PDPN: variants seen among roughly 807,000 people sequenced by gnomAD.
PDPN encodes the protein PA2.26 antigen.
A neutral mutation model predicts 23.2 loss-of-function variants in PDPN; 12 were observed. That is an observed-to-expected ratio of 0.52 (90% CI 0.33 to 0.84). The LOEUF (loss-of-function observed/expected upper bound fraction) is 0.84. Ranked by LOEUF, PDPN falls within the 40% of genes least tolerant of loss-of-function variation. The pLI is 0.02. For synonymous variants in PDPN, 77 were observed against 76.7 expected, an observed-to-expected ratio of 1.00 and a Z score of -0.02; for missense variants, 199 against 212.2, an observed-to-expected ratio of 0.94 and a Z score of 0.39.
At chr1:13,585,867 T>C (rs759386048) in intron 1 of PDPN, among the ~76,000 whole-genome samples, 17 of 152,224 alleles carry the variant, frequency 1.1e-4, no homozygotes, top group Non-Finnish European at 2.1e-4. Flanking sequence ...GGGCTTTTGT[T>C]GGGGAGCTGG....
intron 1 of PDPN, chr1:13,584,352 C>T: frequency 1.4e-6 from 2 of 1,450,694 alleles, no homozygotes; most frequent in East Asian, 5.0e-5. Context: ...GTGGGCAGCA[C>T]AGGGGGCCTC....
At chr1:13,595,769 C>G in intron 1 of PDPN, 1 of 818,966 alleles carries the variant, frequency 1.2e-6, no homozygotes, top group Non-Finnish European at 1.8e-6. Context: ...GCAGGGCAGC[C>G]AAGTTCCCCT....
At chr1:13,604,238 T>A (rs1346574830) in intron 1 of PDPN, among the ~76,000 whole-genome samples, 1 of 152,148 alleles carries the variant, frequency 6.6e-6, no homozygotes, top group East Asian at 1.9e-4. Flanking sequence ...AAGGCATCCA[T>A]GATTTGAATT....
intron 1 of PDPN, among the ~76,000 whole-genome samples, chr1:13,606,248 C>T (rs751877641): frequency 2.6e-5 from 4 of 152,118 alleles, no homozygotes; most frequent in African/African-American, 9.7e-5. Flanking sequence ...AAATGATCCA[C>T]CCACCTTGGC....
chr1:13,599,511 G>A (rs1382098458), intron 1 of PDPN, among the ~76,000 whole-genome samples: 1 of 148,978 alleles, frequency 6.7e-6, no homozygotes, highest in Non-Finnish European at 1.5e-5. Flanking sequence ...TCAGCCTCCT[G>A]AGTAGCTGGG....
At chr1:13,586,474 C>T (rs1640181653) in intron 1 of PDPN, among the ~76,000 whole-genome samples, 1 of 152,078 alleles carries the variant, frequency 6.6e-6, no homozygotes, top group Non-Finnish European at 1.5e-5. Flanking sequence ...AGGGACTAAA[C>T]TCCTTCCTTT....
chr1:13,599,249 T>C (rs2100239771), intron 1 of PDPN, among the ~76,000 whole-genome samples: 1 of 151,926 alleles, frequency 6.6e-6, no homozygotes, highest in East Asian at 1.9e-4. Context: ...GACCGTGTGA[T>C]CCACCTGCAT....
At chr1:13,613,547 G>C (rs1275231789) in intron 3 of PDPN, 140 bp from the exon 4 acceptor site, 1 of 634,656 alleles carries the variant, frequency 1.6e-6, no homozygotes, top group Non-Finnish European at 2.8e-6. Context: ...AAAAATCCCT[G>C]GATCCAATTT....
chr1:13,599,812 AT>A (rs1214199716), intron 1 of PDPN, among the ~76,000 whole-genome samples: 2 of 152,104 alleles, frequency 1.3e-5, no homozygotes, highest in East Asian at 3.9e-4. Context: ...TGCTTGGTAA[AT>A]ATTTGTGGAA....
At chr1:13,589,535 T>A (rs4370764) in intron 1 of PDPN, among the ~76,000 whole-genome samples, 58,191 of 151,974 alleles carry the variant, frequency 0.38, 12,107 homozygotes, top group African/African-American at 0.56. Context: ...GCCCTGTTTC[T>A]TTCAGTCCTC....
intron 3 of PDPN, among the ~76,000 whole-genome samples, chr1:13,612,754 A>G (rs1640966210): frequency 6.6e-6 from 1 of 152,212 alleles, no homozygotes; most frequent in African/African-American, 2.4e-5. Flanking sequence ...AAACCCAACC[A>G]TTAGAAAAAG....
chr1:13,595,449 C>A (rs1474917642), intron 1 of PDPN, among the ~76,000 whole-genome samples: 5 of 152,152 alleles, frequency 3.3e-5, no homozygotes, highest in South Asian at 4.2e-4. Context: ...ACCTCCCCCC[C>A]ACCCCCAAGA....
At chr1:13,595,409 C>G (rs2100226640) in intron 1 of PDPN, among the ~76,000 whole-genome samples, 1 of 152,242 alleles carries the variant, frequency 6.6e-6, no homozygotes, top group South Asian at 2.1e-4. Context: ...AAGTGCTGCC[C>G]TCAACTTTGG....
intron 1 of PDPN, 36 bp downstream of exon 1, chr1:13,584,136 G>T: frequency 6.2e-7 from 1 of 1,605,714 alleles, no homozygotes; most frequent in Non-Finnish European, 8.5e-7. Flanking sequence ...TGCCGTCGCT[G>T]ATGGGGACGA....
intron 1 of PDPN, among the ~76,000 whole-genome samples, chr1:13,591,882 C>T (rs926018982): frequency 6.6e-6 from 1 of 152,176 alleles, no homozygotes; most frequent in African/African-American, 2.4e-5. Flanking sequence ...TGAGGAACTG[C>T]CATTCTGTTT....
intron 1 of PDPN, among the ~76,000 whole-genome samples, chr1:13,585,271 C>T (rs1640144669): frequency 6.6e-6 from 1 of 152,164 alleles, no homozygotes; most frequent in South Asian, 2.1e-4. Flanking sequence ...TGGCCTCCTA[C>T]AATGGTCCAC....
At position 13,583,851 on chromosome 1, in the gene PDPN, C is replaced by A; in HGVS notation, c.-183C>A. On this transcript the variant is annotated 5_prime_UTR_variant, in exon 1 of 6. Coordinates refer to ENST00000621990, the MANE Select transcript of PDPN (RefSeq NM_006474.5). ...GTTCTCAACTGCAAAGTTTGCTGTC[C>A]GGCTGCCTAGGGTCTGGGAAGCTCG... 1 of 1,584,576 alleles carries A rather than the reference C, an allele frequency of 6.3e-7. No individual in the cohort carries two copies. Among genetic ancestry groups the A allele is most frequent in the East Asian group, 2.2e-5 (1 of 44,706 alleles).
intron 1 of PDPN, among the ~76,000 whole-genome samples, chr1:13,598,676 C>T (rs1339029353): frequency 3.3e-5 from 5 of 152,148 alleles, no homozygotes; most frequent in African/African-American, 2.4e-5. Flanking sequence ...CCATCTCTGT[C>T]CTCCTCAGCC....
At chr1:13,604,768 T>G (rs1437365093) in intron 1 of PDPN, among the ~76,000 whole-genome samples, 3 of 152,232 alleles carry the variant, frequency 2.0e-5, no homozygotes, top group Non-Finnish European at 4.4e-5. Flanking sequence ...AGTTTTTTAA[T>G]AAGGACTACT....
Sources: allele counts gnomAD v4.1 joint callset (sites outside exome capture counted in the v4.1 genomes callset), GRCh38; gene constraint gnomAD v4.1.1; transcripts MANE v1.5; gene names NCBI Gene and HGNC (gene_info 2026-07-23, HGNC 2026-07-21).